CLPB: variants seen among roughly 807,000 people sequenced by gnomAD.
The protein encoded by CLPB is ClpB family mitochondrial disaggregase.
In CLPB, 40 loss-of-function variants were observed where a neutral mutation model predicts 78.4. That is an observed-to-expected ratio of 0.51 (90% confidence interval 0.40 to 0.66). The LOEUF (loss-of-function observed/expected upper bound fraction) is 0.66. Among genes scored for constraint, CLPB ranks in the 30% least tolerant of loss-of-function variants. CLPB has a pLI of 0.00. For missense variants in CLPB, 780 were observed against 886.9 expected (o/e 0.88, Z 1.53); for synonymous variants, 333 against 348.0 (o/e 0.96, Z 0.48).
At chr11:72,431,127 T>C (rs1856533774) in intron 1 of CLPB, among the ~76,000 whole-genome samples, 1 of 152,242 alleles carries the variant, frequency 6.6e-6, no homozygotes, top group African/African-American at 2.4e-5. Flanking sequence ...TAAGTGCGTC[T>C]GGCCTGGTCT....
At chr11:72,360,668 C>G (rs1055254289) in intron 4 of CLPB, among the ~76,000 whole-genome samples, 6 of 152,226 alleles carry the variant, frequency 3.9e-5, no homozygotes, top group Middle Eastern at 3.4e-3. Flanking sequence ...AACTCCCGAC[C>G]TCAGGTGATC....
intron 2 of CLPB, among the ~76,000 whole-genome samples, chr11:72,405,245 T>C (rs1466291840): frequency 6.6e-6 from 1 of 152,144 alleles, no homozygotes; most frequent in East Asian, 1.9e-4. Context: ...CAGAGATCAT[T>C]AGGCAGCTCC....
At chr11:72,402,589 G>A (rs1855594484) in intron 3 of CLPB, among the ~76,000 whole-genome samples, 1 of 152,142 alleles carries the variant, frequency 6.6e-6, no homozygotes, top group Non-Finnish European at 1.5e-5. Context: ...GCCCCTGGAG[G>A]AGCACTCACT....
At chr11:72,294,297 C>T (rs1949508486) in intron 14 of CLPB, 28 bp downstream of exon 14, 2 of 1,613,922 alleles carry the variant, frequency 1.2e-6, no homozygotes, top group Admixed American at 1.7e-5. Context: ...GGCTATCCCG[C>T]CCCCACCCAT....
Position 72,326,669 on chromosome 11 carries a change from G to A in CLPB, c.873+3038C>T, listed in dbSNP as rs1026298846. On this transcript the variant is annotated intron_variant, in intron 6 of 15. Coordinates refer to ENST00000538039, the MANE Select transcript of CLPB (RefSeq NM_001258392.3). Reference sequence around the variant, plus strand: ...ATGTCTAGACAAAGAGCCAGGAGATGGGGCCCAGGCTGGAGCTTCAGCAGC... The same window carrying A: ...ATGTCTAGACAAAGAGCCAGGAGATAGGGCCCAGGCTGGAGCTTCAGCAGC... Among the ~76,000 whole-genome samples the A allele has an allele frequency of 2.0e-5, 3 of 152,120 alleles. No individual in the cohort carries two copies. The South Asian group carries it at 6.2e-4, about 32-fold the overall frequency.
At chr11:72,405,313 C>CACA (rs1409122405) in intron 2 of CLPB, among the ~76,000 whole-genome samples, 1 of 152,246 alleles carries the variant, frequency 6.6e-6, no homozygotes, top group East Asian at 1.9e-4. Flanking sequence ...GCACAGCCAA[C>CACA]ACAAGACCTC....
intron 5 of CLPB, among the ~76,000 whole-genome samples, chr11:72,344,792 G>C (rs919935767): frequency 6.6e-6 from 1 of 151,972 alleles, no homozygotes; most frequent in Non-Finnish European, 1.5e-5. Context: ...CAGATAAAGG[G>C]CTAATATTCT....
chr11:72,355,771 G>A (rs1158165171), intron 5 of CLPB, among the ~76,000 whole-genome samples: 1 of 152,164 alleles, frequency 6.6e-6, no homozygotes, highest in Non-Finnish European at 1.5e-5. Context: ...CAGCTCAAAT[G>A]GGGACTTTTG....
chr11:72,391,924 T>G (rs955434133), intron 3 of CLPB, among the ~76,000 whole-genome samples: 7 of 152,060 alleles, frequency 4.6e-5, no homozygotes, highest in South Asian at 2.1e-4. Flanking sequence ...TTCAGGGTGG[T>G]GGGGAGTCAC....
intron 1 of CLPB, among the ~76,000 whole-genome samples, chr11:72,431,951 T>C (rs1565105938): frequency 6.6e-6 from 1 of 152,176 alleles, no homozygotes; most frequent in Non-Finnish European, 1.5e-5. Flanking sequence ...TAAAGTCCAG[T>C]TGGGAACCCC....
intron 5 of CLPB, among the ~76,000 whole-genome samples, chr11:72,335,761 A>G (rs1312333774): frequency 6.6e-6 from 1 of 152,202 alleles, no homozygotes; most frequent in Non-Finnish European, 1.5e-5. Flanking sequence ...ATATCCTTGC[A>G]TGGGATGGGA....
At chr11:72,365,078 G>C (rs1296923186) in intron 4 of CLPB, among the ~76,000 whole-genome samples, 1 of 152,142 alleles carries the variant, frequency 6.6e-6, no homozygotes, top group Non-Finnish European at 1.5e-5. Context: ...CCAGCACTCT[G>C]TGAGTGTGAA....
intron 3 of CLPB, among the ~76,000 whole-genome samples, chr11:72,396,154 T>C (rs866840566): frequency 6.6e-6 from 1 of 152,010 alleles, no homozygotes; most frequent in Admixed American, 6.6e-5. Flanking sequence ...GGGTACCACA[T>C]CCAGGAAGGC....
Position 72,288,202 on chromosome 11 carries a change from T to C in CLPB, c.*5165A>G, listed in dbSNP as rs1949412477. 1 of 152,132 alleles carries C rather than the reference T, an allele frequency of 6.6e-6. No homozygotes were observed. Among genetic ancestry groups the C allele is most frequent in the Non-Finnish European group, 1.5e-5 (1 of 68,036 alleles). 9.4% of individuals were successfully genotyped at this position (152,132 alleles called of 1,614,324 possible). ...TATTCTAGGATCCTCAATAAGGAAT[T>C]TGGGGCCGGGTACAGTCGTTGACGC... On this transcript the variant is annotated 3_prime_UTR_variant, in exon 16 of 16. Coordinates refer to ENST00000538039, the MANE Select transcript of CLPB (RefSeq NM_001258392.3).
Position 72,294,400 on chromosome 11 carries a change from G to A in CLPB, c.1605C>T (p.Ile535=), listed in dbSNP as rs758906536. Residue 535 remains isoleucine (I), a synonymous_variant, in exon 14 of 16, where the codon ATC becomes ATT. Coordinates refer to ENST00000538039, the MANE Select transcript of CLPB (RefSeq NM_001258392.3). ...AGTGGCAGAAGGGGAGGAAGTAGAC[G>A]ATCTCATTGATCCGTCCCAGAAACT... ...RDEFLGRINE[I]VYFLPFCHSE... 19 of 1,614,182 alleles carry A rather than the reference G, an allele frequency of 1.2e-5. No homozygotes were observed. The Middle Eastern group carries it at 4.9e-4, about 42-fold the overall frequency.
chr11:72,338,314 C>T (rs1950358659), intron 5 of CLPB, among the ~76,000 whole-genome samples: 1 of 152,138 alleles, frequency 6.6e-6, no homozygotes, highest in Non-Finnish European at 1.5e-5. Context: ...GCAGAAGATA[C>T]TACACTGAGC....
chr11:72,405,984 C>G (rs377259629), intron 2 of CLPB, among the ~76,000 whole-genome samples: 2 of 152,142 alleles, frequency 1.3e-5, no homozygotes, highest in South Asian at 2.1e-4. Context: ...CATCAATCCA[C>G]TGAAGTTAGC....
chr11:72,325,356 C>T (rs751873019), intron 6 of CLPB, among the ~76,000 whole-genome samples: 17 of 152,162 alleles, frequency 1.1e-4, no homozygotes, highest in Non-Finnish European at 2.1e-4. Flanking sequence ...ACCAACTCTG[C>T]GAACCCTCCT....
intron 4 of CLPB, among the ~76,000 whole-genome samples, chr11:72,361,489 G>T (rs1950837505): frequency 6.6e-6 from 1 of 152,176 alleles, no homozygotes; most frequent in African/African-American, 2.4e-5. Flanking sequence ...CAGATTAGGA[G>T]AAGGAAATAA....
Sources: gnomAD v4.1 joint callset for allele counts (sites outside exome capture counted in the v4.1 genomes callset) on GRCh38, gnomAD v4.1.1 for gene constraint, MANE v1.5 for transcripts, NCBI Gene and HGNC (gene_info 2026-07-23, HGNC 2026-07-21) for gene names.